Variants in CACNA2D3 observed in about 807,000 individuals in gnomAD.
CACNA2D3 encodes calcium voltage-gated channel auxiliary subunit alpha2delta 3.
Under a neutral mutation model 160.6 loss-of-function variants are expected in CACNA2D3, and 60 were observed. That is an observed-to-expected ratio of 0.37 (90% CI 0.30 to 0.46). The LOEUF (loss-of-function observed/expected upper bound fraction) is 0.46, where lower values mean the gene tolerates loss of function less well. Among genes scored for constraint, CACNA2D3 ranks in the 20% least tolerant of loss-of-function variants. The pLI is 1.00. For missense variants in CACNA2D3, 1,205 were observed against 1,365.0 expected, an observed-to-expected ratio of 0.88 and a Z score of 1.85; for synonymous variants, 558 against 492.9, an observed-to-expected ratio of 1.13 and a Z score of -1.75.
At chr3:54,998,677 C>A (rs1349573619) in intron 31 of CACNA2D3, among the ~76,000 whole-genome samples, 1 of 151,944 alleles carries the variant, frequency 6.6e-6, no homozygotes, top group Non-Finnish European at 1.5e-5. Context: ...GTGGTTTATT[C>A]TTGGCTAATG....
chr3:54,470,542 C>A (rs1700712080), intron 4 of CACNA2D3, among the ~76,000 whole-genome samples: 1 of 152,118 alleles, frequency 6.6e-6, no homozygotes, highest in South Asian at 2.1e-4. Flanking sequence ...GGTAAAATAA[C>A]CAGCTAGAAT....
At chr3:54,903,466 A>C (rs1700385618) in intron 27 of CACNA2D3, among the ~76,000 whole-genome samples, 1 of 152,144 alleles carries the variant, frequency 6.6e-6, no homozygotes, top group South Asian at 2.1e-4. Context: ...ATTGATGGGC[A>C]TTTAGGTTGA....
At chr3:54,704,208 T>C (rs1392150640) in intron 11 of CACNA2D3, among the ~76,000 whole-genome samples, 1 of 152,204 alleles carries the variant, frequency 6.6e-6, no homozygotes, top group Non-Finnish European at 1.5e-5. Context: ...TGAAAGGTTA[T>C]TCAGACTGGA....
intron 2 of CACNA2D3, among the ~76,000 whole-genome samples, chr3:54,234,538 A>G (rs1274022392): frequency 6.6e-6 from 1 of 152,224 alleles, no homozygotes; most frequent in Non-Finnish European, 1.5e-5. Flanking sequence ...AAATTATTCT[A>G]CCATAAAGGC....
At chr3:54,309,152 G>A (rs1450018812) in intron 2 of CACNA2D3, among the ~76,000 whole-genome samples, 3 of 152,198 alleles carry the variant, frequency 2.0e-5, no homozygotes, top group African/African-American at 7.2e-5. Flanking sequence ...CGAATACTCA[G>A]GAATTGGAGT....
At chr3:54,211,839 CTT>C (rs1227795160) in intron 2 of CACNA2D3, among the ~76,000 whole-genome samples, 6 of 152,086 alleles carry the variant, frequency 3.9e-5, no homozygotes, top group Admixed American at 3.9e-4. Flanking sequence ...TAAAATGTAA[CTT>C]ATTTTACTTC....
intron 11 of CACNA2D3, among the ~76,000 whole-genome samples, chr3:54,743,281 T>C (rs1192326739): frequency 6.6e-6 from 1 of 152,162 alleles, no homozygotes; most frequent in African/African-American, 2.4e-5. Flanking sequence ...AACTTAAGAA[T>C]ATACTGAGTA....
At chr3:54,674,765 T>C (rs897898715) in intron 11 of CACNA2D3, among the ~76,000 whole-genome samples, 1 of 152,092 alleles carries the variant, frequency 6.6e-6, no homozygotes, top group Non-Finnish European at 1.5e-5. Flanking sequence ...TCCCAACATA[T>C]GGGAAGTGAG....
At chr3:54,609,966 C>T (rs1156280054) in intron 9 of CACNA2D3, among the ~76,000 whole-genome samples, 1 of 152,180 alleles carries the variant, frequency 6.6e-6, no homozygotes, top group African/African-American at 2.4e-5. Flanking sequence ...ATTGGCAGGT[C>T]ATGCTTCCTC....
At chr3:54,435,739 C>T (rs1700050140) in intron 4 of CACNA2D3, among the ~76,000 whole-genome samples, 1 of 152,164 alleles carries the variant, frequency 6.6e-6, no homozygotes, top group Admixed American at 6.5e-5. Context: ...TAAGAAAAGA[C>T]AATCCACATG....
intron 2 of CACNA2D3, among the ~76,000 whole-genome samples, chr3:54,196,556 T>C (rs1300067388): frequency 6.6e-6 from 1 of 152,234 alleles, no homozygotes; most frequent in Non-Finnish European, 1.5e-5. Context: ...ATCTTGTCAC[T>C]GACAAACGGA....
intron 2 of CACNA2D3, among the ~76,000 whole-genome samples, chr3:54,284,844 C>G (rs1188534955): frequency 1.3e-5 from 2 of 152,152 alleles, no homozygotes; most frequent in Non-Finnish European, 2.9e-5. Flanking sequence ...CTTCAGTATC[C>G]TGGAATGCTA....
At chr3:54,440,174 G>A (rs114788515) in intron 4 of CACNA2D3, among the ~76,000 whole-genome samples, 1 of 152,158 alleles carries the variant, frequency 6.6e-6, no homozygotes, top group South Asian at 2.1e-4. Context: ...CCTGGGGTTA[G>A]CCCTGTAATG....
At chr3:54,474,022 A>C (rs1484387794) in intron 4 of CACNA2D3, among the ~76,000 whole-genome samples, 1 of 152,186 alleles carries the variant, frequency 6.6e-6, no homozygotes, top group African/African-American at 2.4e-5. Flanking sequence ...CAGAAATACC[A>C]TTTGACCCAG....
intron 16 of CACNA2D3, among the ~76,000 whole-genome samples, chr3:54,839,842 C>A (rs1698782556): frequency 6.6e-6 from 1 of 152,164 alleles, no homozygotes; most frequent in Non-Finnish European, 1.5e-5. Flanking sequence ...CCCTCGTTCC[C>A]CAGCTTCATC....
chr3:54,929,739 T>G (rs1046555964), intron 27 of CACNA2D3, among the ~76,000 whole-genome samples: 6 of 152,120 alleles, frequency 3.9e-5, no homozygotes, highest in Admixed American at 3.9e-4. Context: ...AATGATTTCT[T>G]CCCTCCTTCC....
intron 11 of CACNA2D3, among the ~76,000 whole-genome samples, chr3:54,731,575 C>G (rs996667523): frequency 1.3e-5 from 2 of 152,086 alleles, no homozygotes; most frequent in Non-Finnish European, 2.9e-5. Context: ...CAGAACATGT[C>G]TGGGGCTCAT....
chr3:54,278,992 C>A (rs561400185), intron 2 of CACNA2D3, among the ~76,000 whole-genome samples: 54 of 152,274 alleles, frequency 3.5e-4, no homozygotes, highest in African/African-American at 1.1e-3. Flanking sequence ...CACACAAAAA[C>A]ACCAGTATTG....
At chr3:54,730,702 G>A (rs185892767) in intron 11 of CACNA2D3, among the ~76,000 whole-genome samples, 5 of 152,036 alleles carry the variant, frequency 3.3e-5, no homozygotes, top group Non-Finnish European at 7.4e-5. Context: ...GGGGTTTCAC[G>A]GTGTTGGTCA....
Sources: allele counts gnomAD v4.1 joint callset (sites outside exome capture counted in the v4.1 genomes callset), GRCh38; gene constraint gnomAD v4.1.1; transcripts MANE v1.5; gene names NCBI Gene and HGNC (gene_info 2026-07-23, HGNC 2026-07-21).